The following CAPN15 variants were observed in gnomAD, a reference collection of about 807,000 sequenced individuals.
The protein encoded by CAPN15 is calpain 15.
A neutral mutation model predicts 97.9 loss-of-function variants in CAPN15; 53 were observed. That is an observed-to-expected ratio of 0.54 (90% confidence interval 0.43 to 0.68). CAPN15 has a LOEUF of 0.68. Ranked by LOEUF, CAPN15 falls within the 30% of genes least tolerant of loss-of-function variation. The pLI, the probability that CAPN15 is intolerant of heterozygous loss-of-function variation, is 0.00. For synonymous variants in CAPN15, 922 were observed against 722.5 expected, an observed-to-expected ratio of 1.28 and a Z score of -4.43; for missense variants, 1,592 against 1,589.8, an observed-to-expected ratio of 1.00 and a Z score of -0.02.
intron 3 of CAPN15, among the ~76,000 whole-genome samples, chr16:543,010 C>G (rs368210464): frequency 1.8e-4 from 27 of 152,178 alleles, no homozygotes; most frequent in East Asian, 7.7e-4. Context: ...AAGATTGCAC[C>G]ACTGCACTCC....
Position 547,696 on chromosome 16 carries a change from A to T in CAPN15, c.858A>T (p.Leu286=), listed in dbSNP as rs753815145. The T allele has an allele frequency of 3.1e-6, 5 of 1,596,766 alleles. No individual in the cohort carries two copies. Among genetic ancestry groups the T allele is most frequent in the South Asian group, 1.1e-5 (1 of 89,840 alleles). Residue 286 remains leucine, a synonymous_variant, in exon 4 of 14, where the codon CTA becomes CTT. Transcript: ENST00000219611. The part of the protein sequence containing the change: ...QGSGWAGASR[L]AELLSGKRLS... ...CGGGCTGGGCTGGGGCCTCCCGCCTAGCAGAGTTGCTGTCTGGCAAGCGGC... is the reference window on the plus strand; with the variant it reads ...CGGGCTGGGCTGGGGCCTCCCGCCTTGCAGAGTTGCTGTCTGGCAAGCGGC...
rs2035136832 is a variant in CAPN15, at chr16:552,216, G to A, written c.2507+4G>A. ...CGCTCTTCCAGGAGGGCAGCAGGTG[G>A]GTGCTGCGGGGCCCCATCGGGCTGG... is the stretch of plus-strand genomic sequence containing the variant. On this transcript the variant is annotated splice_donor_region_variant and intron_variant, in intron 10 of 13. Coordinates refer to ENST00000219611, the MANE Select transcript of CAPN15 (RefSeq NM_005632.3). This position sits in a 1 kb window ranked among gnomAD's most constrained non-coding sequence, Gnocchi z 6.4. The A allele has an allele frequency of 6.5e-7, 1 of 1,531,134 alleles. No individual in the cohort carries two copies. The allele number at this position is 1,531,134 out of a possible 1,614,324, so 94.8% of individuals were successfully genotyped here. A position where few individuals can be genotyped will look rare whatever the true frequency, so the allele number is the denominator to read the frequency against.
chr16:551,856 C>T lies in CAPN15; in HGVS notation c.2345+192C>T, dbSNP rs115229853. The T allele has an allele frequency of 2.9e-3, 2,801 of 979,358 alleles. 12 individuals are homozygous for T. Among genetic ancestry groups the T allele is most frequent in the African/African-American group, 0.019 (1,191 of 62,230 alleles). The allele number at this position is 979,358 out of a possible 1,614,324, so 60.7% of individuals were successfully genotyped here. ...GTCCACCCAGGTCAGCAGATTCCAG[C>T]GCCCTGAAGAGCCGGCCCTGGAGGG... On this transcript the variant is annotated intron_variant, in intron 9 of 13. Coordinates refer to ENST00000219611, the MANE Select transcript of CAPN15 (RefSeq NM_005632.3).
At chr16:536,432 T>C (rs1053716098) in intron 3 of CAPN15, among the ~76,000 whole-genome samples, 9 of 151,924 alleles carry the variant, frequency 5.9e-5, no homozygotes, top group East Asian at 1.9e-4. Context: ...GCCTATTTTT[T>C]TTTTTTTTGA....
chr16:531,664 CT>C (rs1185581434), intron 1 of CAPN15, among the ~76,000 whole-genome samples: 60 of 146,566 alleles, frequency 4.1e-4, no homozygotes, highest in African/African-American at 1.5e-3. Context: ...AGGCCTCCGT[CT>C]CCCTCTCTGG....
In CAPN15 at chr16:553,627, C is replaced by T; in HGVS notation, c.*111C>T. On this transcript the variant is annotated 3_prime_UTR_variant, in exon 14 of 14. Coordinates refer to ENST00000219611, the MANE Select transcript of CAPN15 (RefSeq NM_005632.3). ...TTGAGCCAGAATCTCAGGACCCCGCCCAGGGAGCTGCCAGCCCAGGGCTCA... is the reference window on the plus strand; with the variant it reads ...TTGAGCCAGAATCTCAGGACCCCGCTCAGGGAGCTGCCAGCCCAGGGCTCA... The T allele has an allele frequency of 3.0e-6, 2 of 670,208 alleles. No homozygotes were observed. The highest frequency in any genetic ancestry group is 4.8e-5 in the South Asian group (2 of 41,332). The allele number at this position is 670,208 out of a possible 1,614,324, so 41.5% of individuals were successfully genotyped here. A position where few individuals can be genotyped will look rare whatever the true frequency, so the allele number is the denominator to read the frequency against.
chr16:549,280 C>T lies in CAPN15; in HGVS notation c.1659-8C>T, dbSNP rs2034825939. 8 of 1,579,138 alleles carry T rather than the reference C, an allele frequency of 5.1e-6. No individual in the cohort carries two copies. In the African/African-American group the frequency reaches 1.1e-4, roughly 21 times the overall value. On this transcript the variant is annotated splice_region_variant and splice_polypyrimidine_tract_variant and intron_variant, in intron 5 of 13. Transcript: ENST00000219611. ...GTCCCCGCGAGGTCACCCTGAGGCT[C>T]TGCGCAGGTTCCTGAGCGCCCTGGC...
chr16:540,405 C>CT, intron 3 of CAPN15: 1 of 967,554 alleles, frequency 1.0e-6, no homozygotes, highest in Non-Finnish European at 1.2e-6. Flanking sequence ...CCGGAGGGCT[C>CT]CCGGGGGCAG....
At chr16:534,817 G>A (rs147764961) in intron 2 of CAPN15, among the ~76,000 whole-genome samples, 113 of 152,312 alleles carry the variant, frequency 7.4e-4, no homozygotes, top group African/African-American at 2.4e-3. Flanking sequence ...CCCCCAGCTC[G>A]GGCAGGGGTG....
chr16:529,995 G>A (rs1488090720), intron 1 of CAPN15, among the ~76,000 whole-genome samples: 2 of 152,230 alleles, frequency 1.3e-5, no homozygotes, highest in Non-Finnish European at 2.9e-5. Context: ...CCCTGGCACA[G>A]CAGGAGTGCC....
At chr16:532,340 G>A (rs2033327832) in intron 1 of CAPN15, among the ~76,000 whole-genome samples, 1 of 150,312 alleles carries the variant, frequency 6.7e-6, no homozygotes, top group South Asian at 2.1e-4. Context: ...AATCACATGA[G>A]GTCAGGAGGT....
At chr16:543,129 G>A (rs901453070) in intron 3 of CAPN15, 4 of 152,786 alleles carry the variant, frequency 2.6e-5, no homozygotes, top group African/African-American at 9.7e-5. Context: ...CTCCAGCTTG[G>A]GCGACACAGT....
In CAPN15 at chr16:549,155, A is replaced by G. The variant is rs1365738395; in HGVS notation, c.1612A>G (p.Thr538Ala). The change falls in exon 5 of 14, where the codon ACA (threonine) becomes GCA (alanine). Residue 538 changes from threonine (T) to alanine (A), a missense_variant. Thr to Ala is a moderately conservative substitution (Grantham distance 58). Around this residue, in one of 3 missense-constraint regions of CAPN15, gnomAD observed 65 missense variants for 113.7 expected, o/e 0.57. Transcript: ENST00000219611. ...CAGGGCCACGTGGTCTGTGTTCCAC[A>G]CACTGCGGCCCTCAGACATCCTGCA... ...DHRATWSVFHTLRPSDILQGL... is the reference protein window; with the variant it reads ...DHRATWSVFHALRPSDILQGL... 1 of 1,585,532 alleles carries G rather than the reference A, an allele frequency of 6.3e-7. No homozygotes were observed. The highest frequency in any genetic ancestry group is 1.1e-5 in the South Asian group (1 of 90,594).
At position 548,541 on chromosome 16, in the gene CAPN15, GGAGGGCCCC is replaced by G. The variant is rs1418866910; in HGVS notation, c.1449+258_1449+266del. On this transcript the variant is annotated intron_variant, in intron 4 of 13. Transcript: ENST00000219611. ...CCCCCTCAACCCTCCACCGTGGCCA[GGAGGGCCCC>G]GAGCCCCGTCTGATGTGCCGCAGGA... is the stretch of plus-strand genomic sequence containing the variant. Among the ~76,000 whole-genome samples the G allele has an allele frequency of 2.0e-5, 3 of 152,250 alleles. No individual in the cohort carries two copies. The South Asian group carries it at 6.2e-4, about 31-fold the overall frequency.
chr16:540,801 C>A (rs1449288587), intron 3 of CAPN15, among the ~76,000 whole-genome samples: 1 of 152,240 alleles, frequency 6.6e-6, no homozygotes. Context: ...ACTCCACGTG[C>A]TGGCTCCTCA....
intron 1 of CAPN15, among the ~76,000 whole-genome samples, chr16:531,767 C>T (rs1444851293): frequency 6.6e-6 from 1 of 151,986 alleles, no homozygotes; most frequent in Non-Finnish European, 1.5e-5. Flanking sequence ...GCTCCCAAGG[C>T]CCCCGTCCCC....
At position 549,411 on chromosome 16, in the gene CAPN15, C is replaced by T. The variant is rs780764348; in HGVS notation, c.1782C>T (p.Thr594=). The T allele has an allele frequency of 1.9e-6, 3 of 1,599,864 alleles. No homozygotes were observed. Among genetic ancestry groups the T allele is most frequent in the Non-Finnish European group, 2.5e-6 (3 of 1,178,802 alleles). ...GGCTGTGCAAGGACGGCACGTGGAC[C>T]ACGGTGCTGGTGGACGACATGCTGC... The part of the protein sequence containing the change: ...QVRLCKDGTW[T]TVLVDDMLPC... Residue 594 remains threonine, a synonymous_variant, in exon 6 of 14, where the codon ACC becomes ACT. Transcript: ENST00000219611.
chr16:548,078 G>C lies in CAPN15; in HGVS notation c.1240G>C (p.Gly414Arg), dbSNP rs768095438. ...KAARVLPERP[G>R]QWACPACTLL... ...CGCCCGCGTCCTGCCCGAGCGCCCG[G>C]GCCAGTGGGCCTGCCCTGCCTGTAC... Residue 414 changes from glycine (G) to arginine (R), a missense_variant, in exon 4 of 14, where the codon GGC (glycine) becomes CGC (arginine). Physicochemically the swap from Gly to Arg is moderately radical, Grantham distance 125 (BLOSUM62 -2). This residue lies in a region of CAPN15 where 883 missense variants were observed against 776.6 expected (regional missense o/e 1.14). Transcript: ENST00000219611. 62 of 1,539,382 alleles carry C rather than the reference G, an allele frequency of 4.0e-5. No individual in the cohort carries two copies. Among genetic ancestry groups the C allele is most frequent in the Non-Finnish European group, 5.2e-5 (59 of 1,143,014 alleles).
At position 535,604 on chromosome 16, in the gene CAPN15, T is replaced by G. The variant is rs551656448; in HGVS notation, c.-136-425T>G. Among the ~76,000 whole-genome samples, 1 of 152,006 alleles carries G rather than the reference T, an allele frequency of 6.6e-6. No homozygotes were observed. Among genetic ancestry groups the G allele is most frequent in the Non-Finnish European group, 1.5e-5 (1 of 67,934 alleles). On this transcript the variant is annotated intron_variant, in intron 2 of 13. Transcript: ENST00000219611. The surrounding 1 kb of genome is among the most constrained non-coding windows in gnomAD (Gnocchi z 6.2). ...GCGGGGAGCTGCACAGTTGGACTTG[T>G]GGGGGTCAGGCATGGATCCACACAG...
Sources: gnomAD v4.1 joint callset for allele counts (sites outside exome capture counted in the v4.1 genomes callset) on GRCh38, gnomAD v4.1.1 for gene constraint, gnomAD v4.1.1 regional missense constraint, Gnocchi (gnomAD v3.1) non-coding constraint, MANE v1.5 for transcripts, NCBI Gene and HGNC (gene_info 2026-07-23, HGNC 2026-07-21) for gene names.